EHMT1: variants seen among roughly 807,000 people sequenced by gnomAD.
EHMT1 encodes histone-lysine N-methyltransferase EHMT1.
EHMT1 carries 15 observed loss-of-function variants against 147.2 expected under a neutral mutation model. The ratio of observed to expected loss-of-function variants is 0.10; its 90% CI spans 0.07 to 0.16. The LOEUF (loss-of-function observed/expected upper bound fraction) is 0.16. Among genes scored for constraint, EHMT1 ranks in the 10% least tolerant of loss-of-function variants. The probability of loss-of-function intolerance (pLI) is 1.00; values close to 1 mark genes in which losing one functional copy is unlikely to be tolerated. For missense variants in EHMT1, 1,587 were observed against 1,772.4 expected (o/e 0.90, Z 1.88); for synonymous variants, 795 against 709.6 (o/e 1.12, Z -1.91).
intron 4 of EHMT1, chr9:137,742,849 G>A (rs1352492556): frequency 5.2e-6 from 1 of 192,966 alleles, no homozygotes; most frequent in African/African-American, 2.4e-5. Flanking sequence ...GGAGTCACAG[G>A]GGTGGACCTG....
intron 10 of EHMT1, chr9:137,764,057 C>T (rs993199118): frequency 6.6e-6 from 1 of 152,460 alleles, no homozygotes; most frequent in African/African-American, 2.4e-5. Flanking sequence ...CCCCGTTTCT[C>T]CTGATGCTTC....
Position 137,732,878 on chromosome 9 carries a change from G to A in EHMT1, c.823+4349G>A, listed in dbSNP as rs896204479. Among the ~76,000 whole-genome samples the A allele has an allele frequency of 2.0e-5, 3 of 152,180 alleles. No homozygotes were observed. The highest frequency in any genetic ancestry group is 6.5e-5 in the Admixed American group (1 of 15,284). Reference sequence around the variant, plus strand: ...AAGAAAGGCTGAGATTTCTTGTCACGTCTTTCTGTTAATTTTTAATTACTG... The same window carrying A: ...AAGAAAGGCTGAGATTTCTTGTCACATCTTTCTGTTAATTTTTAATTACTG... On this transcript the variant is annotated intron_variant, in intron 4 of 26. Coordinates refer to ENST00000460843, the MANE Select transcript of EHMT1 (RefSeq NM_024757.5). This position sits in a 1 kb window ranked among gnomAD's most constrained non-coding sequence, Gnocchi z 4.6.
intron 16 of EHMT1, among the ~76,000 whole-genome samples, chr9:137,797,179 T>C (rs1010400099): frequency 2.6e-5 from 4 of 152,094 alleles, no homozygotes; most frequent in Non-Finnish European, 4.4e-5. Flanking sequence ...GGGGGTGGGC[T>C]CCAGTGTCTT....
At chr9:137,762,554 C>G in intron 9 of EHMT1, 121 bp from the exon 10 acceptor site, 1 of 1,532,384 alleles carries the variant, frequency 6.5e-7, no homozygotes, top group Non-Finnish European at 8.8e-7. Flanking sequence ...GCTGGGTAAT[C>G]AACCGCATTG....
chr9:137,813,358 C>T lies in EHMT1; in HGVS notation c.3036-28C>T. The T allele has an allele frequency of 5.6e-6, 9 of 1,602,880 alleles. No homozygotes were observed. Among genetic ancestry groups the T allele is most frequent in the Non-Finnish European group, 7.6e-6 (9 of 1,176,738 alleles). On this transcript the variant is annotated intron_variant, in intron 20 of 26. Coordinates refer to ENST00000460843, the MANE Select transcript of EHMT1 (RefSeq NM_024757.5). The surrounding 1 kb of genome is among the most constrained non-coding windows in gnomAD (Gnocchi z 4.9). Reference sequence around the variant, plus strand: ...CCCCTGGGCAGAGCACGTCAGCCACCAGGTGACACCTGTCCTTTCCATGGC... The same window carrying T: ...CCCCTGGGCAGAGCACGTCAGCCACTAGGTGACACCTGTCCTTTCCATGGC...
At chr9:137,715,686 G>T (rs1359544998) in intron 2 of EHMT1, 1 of 985,296 alleles carries the variant, frequency 1.0e-6, no homozygotes, top group Non-Finnish European at 1.2e-6. Flanking sequence ...GACTGCCCTG[G>T]ATATGATTTC....
rs1270432918 is a variant in EHMT1 at position 137,787,083 on chromosome 9, C to T, written c.2383-3765C>T. On this transcript the variant is annotated intron_variant, in intron 15 of 26. Transcript: ENST00000460843. This position sits in a 1 kb window ranked among gnomAD's most constrained non-coding sequence, Gnocchi z 4.2. ...CTGCTGCCCTTCGGTGTCCTGGTCC[C>T]TCGTGTTGCAAGATTTCATGCCGTG... 1.3e-5 allele frequency: 2 copies of T among 152,452 alleles called. No individual in the cohort carries two copies. Among genetic ancestry groups the T allele is most frequent in the African/African-American group, 4.8e-5 (2 of 41,438 alleles). 9.4% of individuals were successfully genotyped at this position (152,452 alleles called of 1,614,324 possible).
rs1947074836 is a variant in EHMT1, at chr9:137,731,142, AG to A, written c.823+2614del. Among the ~76,000 whole-genome samples, 1 of 152,180 alleles carries A rather than the reference AG, an allele frequency of 6.6e-6. No individual in the cohort carries two copies. Among genetic ancestry groups the A allele is most frequent in the Non-Finnish European group, 1.5e-5 (1 of 68,026 alleles). On this transcript the variant is annotated intron_variant, in intron 4 of 26. Coordinates refer to ENST00000460843, the MANE Select transcript of EHMT1 (RefSeq NM_024757.5). The surrounding 1 kb of genome is among the most constrained non-coding windows in gnomAD (Gnocchi z 4.3). Reference sequence around the variant, plus strand: ...AGCAGGCTCCAGTTTACCCTTCCACAGCCCCCTTCCTCCACCACCCCTTCCT... The same window carrying A: ...AGCAGGCTCCAGTTTACCCTTCCACACCCCCTTCCTCCACCACCCCTTCCT...
chr9:137,670,738 C>T (rs79068821), intron 1 of EHMT1, among the ~76,000 whole-genome samples: 6,372 of 152,222 alleles, frequency 0.042, 414 homozygotes, highest in African/African-American at 0.14. Flanking sequence ...GGCCTGTCTG[C>T]GCGTCTTCCT....
chr9:137,661,239 C>A (rs2044333770), intron 1 of EHMT1, among the ~76,000 whole-genome samples: 1 of 152,124 alleles, frequency 6.6e-6, no homozygotes, highest in South Asian at 2.1e-4. Context: ...TTCTATATAT[C>A]TATCCATCTC....
Position 137,777,903 on chromosome 9 carries a change from G to T in EHMT1, c.2040G>T (p.Ser680=). 1 of 1,613,446 alleles carries T rather than the reference G, an allele frequency of 6.2e-7. No homozygotes were observed. Among genetic ancestry groups the T allele is most frequent in the Non-Finnish European group, 8.5e-7 (1 of 1,180,018 alleles). ...TTGSAAGPPL[S]EDDKLQGAAS... ...GAAGTGCTGCCGGGCCACCACTCTC[G>T]GAGGACGACAAGCTGCAGGGTGCAG... is the stretch of plus-strand genomic sequence containing the variant. The change falls in exon 13 of 27, where the codon TCG becomes TCT. Residue 680 remains serine (S), a synonymous_variant. Coordinates refer to ENST00000460843, the MANE Select transcript of EHMT1 (RefSeq NM_024757.5).
intron 9 of EHMT1, among the ~76,000 whole-genome samples, chr9:137,760,266 A>G (rs1156461741): frequency 3.3e-5 from 5 of 152,180 alleles, no homozygotes; most frequent in African/African-American, 7.2e-5. Flanking sequence ...GAGCCACTGC[A>G]TTGTTATCCA....
At chr9:137,777,346 G>C (rs1951035243) in intron 12 of EHMT1, 1 of 193,634 alleles carries the variant, frequency 5.2e-6, no homozygotes, top group Admixed American at 5.3e-5. Flanking sequence ...GATCTGATAA[G>C]AAGAGATAGA....
At chr9:137,729,031 G>C (rs953795754) in intron 4 of EHMT1, among the ~76,000 whole-genome samples, 5 of 152,160 alleles carry the variant, frequency 3.3e-5, no homozygotes, top group Non-Finnish European at 7.4e-5. Flanking sequence ...CCTTACCGGG[G>C]ACCTTTTGTG....
intron 1 of EHMT1, among the ~76,000 whole-genome samples, chr9:137,675,630 ATTTTT>A (rs61666243): frequency 4.7e-5 from 5 of 105,760 alleles, no homozygotes; most frequent in Admixed American, 9.8e-5. Context: ...CGCCCGGCTA[ATTTTT>A]TTTTTTTTTT....
intron 10 of EHMT1, among the ~76,000 whole-genome samples, chr9:137,773,996 C>A (rs377078080): frequency 2.0e-5 from 3 of 152,310 alleles, no homozygotes; most frequent in Admixed American, 2.0e-4. Context: ...CCTCCACAGG[C>A]GCCTTCAAGT....
chr9:137,683,610 T>C (rs762735270), intron 1 of EHMT1, among the ~76,000 whole-genome samples: 2 of 152,194 alleles, frequency 1.3e-5, no homozygotes, highest in Non-Finnish European at 2.9e-5. Flanking sequence ...TTTGCTCATA[T>C]TGGTTAAGGG....
chr9:137,624,472 C>T (rs767332530), intron 1 of EHMT1, among the ~76,000 whole-genome samples: 9 of 151,970 alleles, frequency 5.9e-5, no homozygotes, highest in African/African-American at 1.2e-4. Flanking sequence ...GGCACCACCA[C>T]GCCTGGCTAA....
intron 14 of EHMT1, among the ~76,000 whole-genome samples, chr9:137,781,478 G>A (rs975714781): frequency 6.6e-6 from 1 of 152,176 alleles, no homozygotes; most frequent in Admixed American, 6.5e-5. Context: ...TGGTCATGAC[G>A]CTGGAATGTG....
Sources: gnomAD v4.1 joint callset for allele counts (sites outside exome capture counted in the v4.1 genomes callset) on GRCh38, gnomAD v4.1.1 for gene constraint, Gnocchi (gnomAD v3.1) non-coding constraint, MANE v1.5 for transcripts, NCBI Gene and HGNC (gene_info 2026-07-23, HGNC 2026-07-21) for gene names.